LINGO2: variants seen among roughly 807,000 people sequenced by gnomAD.
LINGO2 encodes the protein leucine rich repeat and Ig domain containing 2.
Under a neutral mutation model 30.6 loss-of-function variants are expected in LINGO2, and 14 were observed. The observed-to-expected ratio is 0.46, with a 90% CI of 0.30 to 0.72. LINGO2 has a LOEUF of 0.72. Ranked by LOEUF, LINGO2 falls within the 30% of genes least tolerant of loss-of-function variation. The pLI, the probability that LINGO2 is intolerant of heterozygous loss-of-function variation, is 0.07. For missense variants in LINGO2, 729 were observed against 751.7 expected (o/e 0.97, Z 0.35); for synonymous variants, 317 against 288.5 (o/e 1.10, Z -1.00).
chr9:28,318,667 A>G (rs768933238), intron 3 of LINGO2, among the ~76,000 whole-genome samples: 6 of 152,206 alleles, frequency 3.9e-5, no homozygotes, highest in Non-Finnish European at 7.4e-5. Flanking sequence ...ATTGACAAGA[A>G]TTCCGCCTGG....
At chr9:29,109,284 AC>A in the LINGO2 span, among the ~76,000 whole-genome samples, 1 of 152,134 alleles carries the variant, frequency 6.6e-6, no homozygotes. Context: ...TAGAAGGTAG[AC>A]TGTTTCAATG....
intron 2 of LINGO2, among the ~76,000 whole-genome samples, chr9:28,387,328 C>A (rs750454873): frequency 3.9e-5 from 6 of 152,058 alleles, no homozygotes; most frequent in African/African-American, 4.8e-5. Flanking sequence ...CACCAATTGG[C>A]GCTCTGTGTC....
In LINGO2 at chr9:27,994,695, AC is replaced by A. The variant is rs57297617; in HGVS notation, c.-36+17659del. ...ATAACACAGGAACCATTCATATTCA[AC>A]ATTGGCCCACGCATGTGCACCAATT... On this transcript the variant is annotated intron_variant, in intron 5 of 5. Coordinates refer to ENST00000379992, the Ensembl canonical transcript of LINGO2. 9.9e-4 allele frequency among the ~76,000 whole-genome samples: 150 copies of A among 152,282 alleles called. 2 individuals are homozygous for A. The East Asian group carries it at 0.026, about 26-fold the overall frequency.
chr9:28,242,893 A>T (rs1348368525), intron 4 of LINGO2, among the ~76,000 whole-genome samples: 1 of 152,180 alleles, frequency 6.6e-6, no homozygotes, highest in Admixed American at 6.5e-5. Context: ...AGTGAAGGAG[A>T]AATAAAATCC....
At chr9:29,192,427 TA>T in the LINGO2 span, among the ~76,000 whole-genome samples, 2 of 152,194 alleles carry the variant, frequency 1.3e-5, no homozygotes, top group Non-Finnish European at 2.9e-5. Flanking sequence ...CTTTTCACAA[TA>T]ATCTCCAGTA....
intron 2 of LINGO2, 83 bp from the exon 5 acceptor site, chr9:28,372,951 T>G (rs1820962040): frequency 6.6e-6 from 1 of 152,506 alleles, no homozygotes; most frequent in Admixed American, 6.5e-5. Context: ...AGACATTTTC[T>G]TTATTTCTTT....
the LINGO2 span, among the ~76,000 whole-genome samples, chr9:29,103,997 A>T: frequency 1.4e-4 from 21 of 152,294 alleles, no homozygotes; most frequent in African/African-American, 3.8e-4. Flanking sequence ...AGTTATCAGG[A>T]TTAAATTAGC....
chr9:28,524,220 T>A (rs1481345138), intron 1 of LINGO2, among the ~76,000 whole-genome samples: 1 of 152,040 alleles, frequency 6.6e-6, no homozygotes, highest in African/African-American at 2.4e-5. Flanking sequence ...ATAATACACA[T>A]GAAGAAGAAT....
At chr9:28,580,248 A>T (rs1476745748) in intron 1 of LINGO2, among the ~76,000 whole-genome samples, 2 of 152,062 alleles carry the variant, frequency 1.3e-5, no homozygotes, top group Non-Finnish European at 2.9e-5. Flanking sequence ...CTAATGTATA[A>T]ATCCAAAACT....
chr9:28,970,455 T>A, the LINGO2 span, among the ~76,000 whole-genome samples: 3 of 152,214 alleles, frequency 2.0e-5, no homozygotes, highest in South Asian at 6.2e-4. Context: ...TACCTAGTTT[T>A]AATATCCTAT....
At chr9:28,370,247 G>T (rs1468048328) in intron 3 of LINGO2, among the ~76,000 whole-genome samples, 1 of 151,934 alleles carries the variant, frequency 6.6e-6, no homozygotes, top group African/African-American at 2.4e-5. Context: ...CTCTTCAGTC[G>T]CTCTAATGGT....
At chr9:28,256,637 A>G (rs1295666759) in intron 4 of LINGO2, among the ~76,000 whole-genome samples, 1 of 151,980 alleles carries the variant, frequency 6.6e-6, no homozygotes, top group African/African-American at 2.4e-5. Context: ...GCCAGCTATG[A>G]GAGTGGGAAA....
In LINGO2 at chr9:28,037,035, A is replaced by G. The variant is rs142211900; in HGVS notation, c.-86-24630T>C. 1.9e-3 allele frequency among the ~76,000 whole-genome samples: 297 copies of G among 152,340 alleles called. 2 individuals carry two copies. Among genetic ancestry groups the G allele is most frequent in the Middle Eastern group, 0.014 (4 of 294 alleles). On this transcript the variant is annotated intron_variant, in intron 4 of 5. Transcript: ENST00000379992. ...TGCACACATCTTGATGTATCTGTGT[A>G]TTATTCATCCATGCTGCTGCTTGGC...
intron 3 of LINGO2, among the ~76,000 whole-genome samples, chr9:28,348,850 C>T (rs566315022): frequency 7.1e-4 from 108 of 152,144 alleles, no homozygotes; most frequent in African/African-American, 2.3e-3. Context: ...CCCTGAACCC[C>T]GGGCAGCCTA....
chr9:28,881,424 G>A, the LINGO2 span, among the ~76,000 whole-genome samples: 1 of 151,996 alleles, frequency 6.6e-6, no homozygotes, highest in Non-Finnish European at 1.5e-5. Flanking sequence ...ATGCCGGTCA[G>A]AATATTCTAT....
At chr9:28,303,171 C>A (rs1182514334) in intron 3 of LINGO2, among the ~76,000 whole-genome samples, 1 of 152,094 alleles carries the variant, frequency 6.6e-6, no homozygotes, top group Non-Finnish European at 1.5e-5. Context: ...ACAAGAGAGA[C>A]AATGTCATGG....
chr9:28,719,205 C>T, the LINGO2 span, among the ~76,000 whole-genome samples: 1 of 152,056 alleles, frequency 6.6e-6, no homozygotes, highest in Non-Finnish European at 1.5e-5. Flanking sequence ...TTTGAGAGCA[C>T]ACTCCTTGAT....
At chr9:28,926,363 A>T in the LINGO2 span, among the ~76,000 whole-genome samples, 12 of 152,178 alleles carry the variant, frequency 7.9e-5, no homozygotes, top group Non-Finnish European at 1.3e-4. Flanking sequence ...ATAGATCAGA[A>T]TAACTACAGT....
chr9:29,131,062 G>T, the LINGO2 span, among the ~76,000 whole-genome samples: 2 of 152,100 alleles, frequency 1.3e-5, no homozygotes, highest in Non-Finnish European at 2.9e-5. Flanking sequence ...CTGTAACCTG[G>T]ATAATAGTAG....
Sources: allele counts gnomAD v4.1 joint callset (sites outside exome capture counted in the v4.1 genomes callset), GRCh38; gene constraint gnomAD v4.1.1; transcripts MANE v1.5; gene names NCBI Gene and HGNC (gene_info 2026-07-23, HGNC 2026-07-21).